Variants in CAMK1D observed in about 807,000 individuals in gnomAD.
The protein encoded by CAMK1D is calcium/calmodulin-dependent protein kinase type 1D.
CAMK1D carries 9 observed loss-of-function variants against 47.7 expected under a neutral mutation model. The observed-to-expected ratio is 0.19, with a 90% CI of 0.11 to 0.33. The LOEUF is 0.33. Ranked by LOEUF, CAMK1D falls within the 10% of genes least tolerant of loss-of-function variation. CAMK1D has a pLI of 1.00. For synonymous variants in CAMK1D, 184 were observed against 184.9 expected, an observed-to-expected ratio of 0.99 and a Z score of 0.04; for missense variants, 291 against 488.7, an observed-to-expected ratio of 0.60 and a Z score of 3.81.
intron 1 of CAMK1D, among the ~76,000 whole-genome samples, chr10:12,352,779 C>T (rs1328805177): frequency 6.8e-6 from 1 of 147,610 alleles, no homozygotes; most frequent in Non-Finnish European, 1.5e-5. Context: ...CTCTGTTGCC[C>T]AGGCTGGAGT....
chr10:12,407,147 A>T (rs1308171798), intron 1 of CAMK1D, among the ~76,000 whole-genome samples: 1 of 152,088 alleles, frequency 6.6e-6, no homozygotes, highest in East Asian at 1.9e-4. Flanking sequence ...GCCACCCTCC[A>T]GCCTCTCTCA....
chr10:12,703,333 G>C (rs11257946), intron 3 of CAMK1D, among the ~76,000 whole-genome samples: 2,034 of 152,256 alleles, frequency 0.013, 54 homozygotes, highest in South Asian at 0.13. Flanking sequence ...TGGGTGACTG[G>C]ATTTGCCATT....
chr10:12,666,444 C>T (rs999302350), intron 2 of CAMK1D, among the ~76,000 whole-genome samples: 1 of 152,070 alleles, frequency 6.6e-6, no homozygotes, highest in African/African-American at 2.4e-5. Context: ...TTGGGCTCTA[C>T]AAGATAATAG....
chr10:12,459,126 GCCTC>G (rs1833348602), intron 1 of CAMK1D, among the ~76,000 whole-genome samples: 2 of 152,084 alleles, frequency 1.3e-5, no homozygotes. Flanking sequence ...CGATCCACCT[GCCTC>G]GTCCTCCCAA....
intron 1 of CAMK1D, among the ~76,000 whole-genome samples, chr10:12,461,687 C>CAAAAAAAAAAAA (rs57291391): frequency 1.1e-5 from 1 of 90,390 alleles, no homozygotes; most frequent in African/African-American, 4.1e-5. Flanking sequence ...GGCTTCATCT[C>CAAAAAAAAAAAA]AAAAAAAAAA....
At chr10:12,574,468 ATTTT>A (rs1171556305) in intron 2 of CAMK1D, among the ~76,000 whole-genome samples, 10 of 61,376 alleles carry the variant, frequency 1.6e-4, no homozygotes, top group South Asian at 6.8e-4. Flanking sequence ...CGCCTAGCTA[ATTTT>A]TTTTTTTTTT....
At chr10:12,574,468 A>ATTTTT (rs1171556305) in intron 2 of CAMK1D, among the ~76,000 whole-genome samples, 644 of 61,372 alleles carry the variant, frequency 0.01, 95 homozygotes, top group African/African-American at 0.033. Flanking sequence ...CGCCTAGCTA[A>ATTTTT]TTTTTTTTTT....
chr10:12,568,753 C>T (rs1179293243), intron 2 of CAMK1D, among the ~76,000 whole-genome samples: 1 of 151,876 alleles, frequency 6.6e-6, no homozygotes, highest in Non-Finnish European at 1.5e-5. Context: ...AAATAATTTC[C>T]TAGGGGTATA....
At chr10:12,714,132 G>A (rs1834031459) in intron 3 of CAMK1D, among the ~76,000 whole-genome samples, 1 of 152,214 alleles carries the variant, frequency 6.6e-6, no homozygotes, top group Non-Finnish European at 1.5e-5. Flanking sequence ...CAGTGGTCCT[G>A]TGGAGGGGCT....
intron 3 of CAMK1D, among the ~76,000 whole-genome samples, chr10:12,674,339 TGAG>T (rs1344387939): frequency 1.3e-5 from 2 of 152,228 alleles, no homozygotes; most frequent in Admixed American, 6.5e-5. Context: ...TCTAAATATA[TGAG>T]GAGGATCTAA....
intron 1 of CAMK1D, among the ~76,000 whole-genome samples, chr10:12,487,118 A>C (rs569590590): frequency 5.9e-5 from 9 of 152,154 alleles, no homozygotes; most frequent in African/African-American, 2.2e-4. Flanking sequence ...TCATCACCCA[A>C]CTACTAAGCC....
chr10:12,532,734 C>G, intron 1 of CAMK1D, among the ~76,000 whole-genome samples: 1 of 152,040 alleles, frequency 6.6e-6, no homozygotes. Flanking sequence ...AACCTGGTAC[C>G]TATACACAAT....
At chr10:12,648,627 T>A (rs528234798) in intron 2 of CAMK1D, among the ~76,000 whole-genome samples, 1 of 152,162 alleles carries the variant, frequency 6.6e-6, no homozygotes, top group South Asian at 2.1e-4. Flanking sequence ...TGCGCCACCA[T>A]GCCTGGCTAA....
intron 1 of CAMK1D, among the ~76,000 whole-genome samples, chr10:12,503,244 T>C (rs1834762043): frequency 6.6e-6 from 1 of 152,232 alleles, no homozygotes; most frequent in Non-Finnish European, 1.5e-5. Context: ...GTTGTGTGTG[T>C]GCACTTGTGC....
chr10:12,492,361 A>G (rs1030073743), intron 1 of CAMK1D, among the ~76,000 whole-genome samples: 3 of 151,802 alleles, frequency 2.0e-5, no homozygotes, highest in Non-Finnish European at 2.9e-5. Context: ...AAAAAAAAAA[A>G]AAAAGAAAAG....
At chr10:12,799,969 A>T (rs556030181) in intron 6 of CAMK1D, among the ~76,000 whole-genome samples, 1 of 151,868 alleles carries the variant, frequency 6.6e-6, no homozygotes, top group African/African-American at 2.4e-5. Flanking sequence ...TTTTCCCCTA[A>T]ATCTTTTCCT....
intron 2 of CAMK1D, among the ~76,000 whole-genome samples, chr10:12,569,800 T>C (rs1254015602): frequency 6.6e-6 from 1 of 151,466 alleles, no homozygotes; most frequent in African/African-American, 2.4e-5. Flanking sequence ...TTTTAAGTGC[T>C]CGAAACCAGT....
chr10:12,409,269 A>G (rs1330114363), intron 1 of CAMK1D, among the ~76,000 whole-genome samples: 1 of 152,048 alleles, frequency 6.6e-6, no homozygotes, highest in Non-Finnish European at 1.5e-5. Flanking sequence ...CATGGTCCCT[A>G]TTACGGTGGA....
At chr10:12,479,985 C>T (rs1834015983) in intron 1 of CAMK1D, among the ~76,000 whole-genome samples, 1 of 152,150 alleles carries the variant, frequency 6.6e-6, no homozygotes, top group African/African-American at 2.4e-5. Context: ...TAAAAAAAGG[C>T]CTAAGCACCC....
Sources: gnomAD v4.1 joint callset for allele counts (sites outside exome capture counted in the v4.1 genomes callset) on GRCh38, gnomAD v4.1.1 for gene constraint, MANE v1.5 for transcripts, NCBI Gene and HGNC (gene_info 2026-07-23, HGNC 2026-07-21) for gene names.